The following UBE2D3 variants were observed in gnomAD, a reference collection of about 807,000 sequenced individuals.
UBE2D3 encodes the protein ubiquitin-conjugating enzyme E2 D3.
In UBE2D3, 2 loss-of-function variants were observed where a neutral mutation model predicts 22.8. The ratio of observed to expected loss-of-function variants is 0.09; its 90% confidence interval spans 0.04 to 0.28. UBE2D3 has a LOEUF of 0.28. Among genes scored for constraint, UBE2D3 ranks in the 10% least tolerant of loss-of-function variants. The pLI is 1.00. For missense variants in UBE2D3, 27 were observed against 182.5 expected (o/e 0.15, Z 4.91); for synonymous variants, 56 against 60.4 (o/e 0.93, Z 0.34).
chr4:102,836,959 T>A (rs144551917), intron 1 of UBE2D3: 1 of 152,342 alleles, frequency 6.6e-6, no homozygotes, highest in African/African-American at 2.4e-5. Context: ...CCTGGAGGAA[T>A]ATGAAAAAGC....
In UBE2D3 at chr4:102,802,603, C is replaced by T. The variant is rs1726346510; in HGVS notation, c.156G>A (p.Leu52=). The T allele has an allele frequency of 1.2e-6, 2 of 1,606,472 alleles. No individual in the cohort carries two copies. Among genetic ancestry groups the T allele is most frequent in the South Asian group, 2.2e-5 (2 of 90,052 alleles). Residue 52 remains leucine, a synonymous_variant, in exon 5 of 8, where the codon TTG becomes TTA. Transcript: ENST00000453744. ...DSPYQGGVFF[L]TIHFPTDYPF... ...GGTAGTCTGTAGGAAAATGAATTGTCAAAAAGAATACACCGCCTTGATATG... is the reference window on the plus strand; with the variant it reads ...GGTAGTCTGTAGGAAAATGAATTGTTAAAAAGAATACACCGCCTTGATATG...
chr4:102,798,855 T>C, intron 7 of UBE2D3: 1 of 1,392,226 alleles, frequency 7.2e-7, no homozygotes, highest in South Asian at 1.2e-5. Context: ...GTTAATACAG[T>C]GCCTTAACGC....
intron 1 of UBE2D3, among the ~76,000 whole-genome samples, chr4:102,840,760 G>A (rs1281883189): frequency 6.6e-6 from 1 of 152,186 alleles, no homozygotes; most frequent in Non-Finnish European, 1.5e-5. Flanking sequence ...AGAAATATTC[G>A]AGGTGATGGA....
At position 102,810,337 on chromosome 4, in the gene UBE2D3, T is replaced by C. The variant is rs374258718; in HGVS notation, c.25-482A>G. On this transcript the variant is annotated intron_variant, in intron 2 of 7. Coordinates refer to ENST00000453744, the MANE Select transcript of UBE2D3 (RefSeq NM_181891.3). ...CTCTCATGGGGCTAAGTACCTTTTTTGTTTTCTAATCTCCTTATTCTCTCA... is the reference window on the plus strand; with the variant it reads ...CTCTCATGGGGCTAAGTACCTTTTTCGTTTTCTAATCTCCTTATTCTCTCA... The C allele has an allele frequency of 2.0e-5, 3 of 152,400 alleles. No individual in the cohort carries two copies. The East Asian group carries it at 5.8e-4, about 29-fold the overall frequency. 9.4% of individuals were successfully genotyped at this position (152,400 alleles called of 1,614,324 possible).
chr4:102,837,253 C>G (rs1731460053), intron 1 of UBE2D3, among the ~76,000 whole-genome samples: 1 of 152,164 alleles, frequency 6.6e-6, no homozygotes, highest in Non-Finnish European at 1.5e-5. Context: ...AGGAATTTTG[C>G]AGGCTGATTG....
intron 7 of UBE2D3, among the ~76,000 whole-genome samples, chr4:102,798,772 T>C (rs561296086): frequency 6.6e-6 from 1 of 152,036 alleles, no homozygotes; most frequent in African/African-American, 2.4e-5. Context: ...GATATTTACT[T>C]TCACGTTAAA....
Position 102,797,607 on chromosome 4 carries a change from G to GT in UBE2D3, c.399-148_399-147insA, listed in dbSNP as rs1361583430. ...GATTAGAATAAAAGCCAACAAGGGA[G>GT]AAATAGCACTGGTACTCAAAGCAAT... On this transcript the variant is annotated intron_variant, in intron 7 of 7. Coordinates refer to ENST00000453744, the MANE Select transcript of UBE2D3 (RefSeq NM_181891.3). 3 of 504,658 alleles carry GT rather than the reference G, an allele frequency of 5.9e-6. No homozygotes were observed. The African/African-American group carries it at 6.0e-5, about 10-fold the overall frequency. The allele number at this position is 504,658 out of a possible 1,614,324, so 31.3% of individuals were successfully genotyped here. A position where few individuals can be genotyped will look rare whatever the true frequency, so the allele number is the denominator to read the frequency against.
chr4:102,814,174 A>G (rs1354665879), intron 2 of UBE2D3, among the ~76,000 whole-genome samples: 2 of 152,254 alleles, frequency 1.3e-5, no homozygotes, highest in African/African-American at 4.8e-5. Context: ...ACAATCTGTA[A>G]AAGAAACTAC....
chr4:102,859,356 A>G (rs1732772949), intron 1 of UBE2D3, among the ~76,000 whole-genome samples: 1 of 151,986 alleles, frequency 6.6e-6, no homozygotes, highest in Non-Finnish European at 1.5e-5. Flanking sequence ...AACTTTTGAA[A>G]ATTTGATCAT....
chr4:102,799,460 T>G lies in UBE2D3; in HGVS notation c.345A>C (p.Pro115=). 1 of 1,612,468 alleles carries G rather than the reference T, an allele frequency of 6.2e-7. No individual in the cohort carries two copies. Among genetic ancestry groups the G allele is most frequent in the Non-Finnish European group, 8.5e-7 (1 of 1,178,866 alleles). Residue 115 remains proline (P), a synonymous_variant, in exon 7 of 8, where the codon CCA becomes CCC. Transcript: ENST00000453744. ...CAATCTCTGGCACTAGGGGGTCATC[T>G]GGGTTTGGATCACATAGCAGTGAAC... ...SICSLLCDPN[P]DDPLVPEIAR...
rs1167792345 is a variant in UBE2D3 at position 102,819,520 on chromosome 4, G to C, written c.24+6965C>G. 5 of 977,740 alleles carry C rather than the reference G, an allele frequency of 5.1e-6. No individual in the cohort carries two copies. The Middle Eastern group carries it at 1.6e-3, about 305-fold the overall frequency. 60.6% of individuals were successfully genotyped at this position (977,740 alleles called of 1,614,324 possible). On this transcript the variant is annotated intron_variant, in intron 2 of 7. Transcript: ENST00000453744. ...AATGACAGCCAGTATCTGTTCATCA[G>C]ATCAACATAACCAAAAGGTAGCATT...
chr4:102,800,428 A>G (rs1228485841), intron 6 of UBE2D3, among the ~76,000 whole-genome samples: 1 of 152,056 alleles, frequency 6.6e-6, no homozygotes. Context: ...ATGGCTGCCA[A>G]AAAAGTAAGT....
At chr4:102,852,240 T>C (rs1732396164) in intron 1 of UBE2D3, among the ~76,000 whole-genome samples, 1 of 152,244 alleles carries the variant, frequency 6.6e-6, no homozygotes, top group South Asian at 2.1e-4. Flanking sequence ...ATTAAAAAGC[T>C]AAAAGTAGCT....
At chr4:102,830,595 G>A (rs1258977660), upstream of UBE2D3, among the ~76,000 whole-genome samples, 1 of 152,196 alleles carries the variant, frequency 6.6e-6, no homozygotes, top group Non-Finnish European at 1.5e-5. Flanking sequence ...CTGGGCTGGT[G>A]GCTTACGCCT....
chr4:102,859,275 G>GA (rs1458414324), intron 1 of UBE2D3, among the ~76,000 whole-genome samples: 1 of 151,996 alleles, frequency 6.6e-6, no homozygotes, highest in Non-Finnish European at 1.5e-5. Context: ...AAAACCTGCT[G>GA]AAAGTCTTAT....
chr4:102,834,796 T>C (rs1440502425), intron 1 of UBE2D3, among the ~76,000 whole-genome samples: 5 of 152,004 alleles, frequency 3.3e-5, no homozygotes, highest in African/African-American at 1.2e-4. Context: ...TTTTGTTTGT[T>C]TTGAGACAGG....
chr4:102,843,120 G>T (rs1731852504), intron 1 of UBE2D3, among the ~76,000 whole-genome samples: 1 of 152,076 alleles, frequency 6.6e-6, no homozygotes, highest in Non-Finnish European at 1.5e-5. Context: ...AAAATTACCA[G>T]TTTTGAGTGG....
chr4:102,828,289 C>T, upstream of UBE2D3: 1 of 984,598 alleles, frequency 1.0e-6, no homozygotes. Flanking sequence ...CTAGCTCGGG[C>T]CGGGATTTTG....
In UBE2D3 at chr4:102,797,334, C is replaced by A; in HGVS notation, c.*81G>T. On this transcript the variant is annotated 3_prime_UTR_variant, in exon 8 of 8. Coordinates refer to ENST00000453744, the MANE Select transcript of UBE2D3 (RefSeq NM_181891.3). ...AGATGAGGTCTGATAGGGGAGCAGC[C>A]GGATAAGAAAATCAAAAAAGGAACA... The A allele has an allele frequency of 4.8e-6, 6 of 1,251,638 alleles. No individual in the cohort carries two copies. Among genetic ancestry groups the A allele is most frequent in the Non-Finnish European group, 5.6e-6 (5 of 888,714 alleles). 77.5% of individuals were successfully genotyped at this position (1,251,638 alleles called of 1,614,324 possible).
Sources: gnomAD v4.1 joint callset for allele counts (sites outside exome capture counted in the v4.1 genomes callset) on GRCh38, gnomAD v4.1.1 for gene constraint, MANE v1.5 for transcripts, NCBI Gene and HGNC (gene_info 2026-07-23, HGNC 2026-07-21) for gene names.